The following EYS variants were observed in gnomAD, a reference collection of about 807,000 sequenced individuals.
The protein encoded by EYS is protein eyes shut homolog.
In EYS, 250 loss-of-function variants were observed where a neutral mutation model predicts 282.1. The ratio of observed to expected loss-of-function variants is 0.89; its 90% CI spans 0.80 to 0.98. The LOEUF (loss-of-function observed/expected upper bound fraction) is 0.98, where lower values mean the gene tolerates loss of function less well. Among genes scored for constraint, EYS ranks in the 50% least tolerant of loss-of-function variants. EYS has a pLI of 0.00. For synonymous variants in EYS, 1,355 were observed against 1,282.9 expected (o/e 1.06, Z -1.20); for missense variants, 4,016 against 3,709.0 (o/e 1.08, Z -2.15).
At chr6:65,655,042 T>G (rs1030630708) in intron 1 of EYS, among the ~76,000 whole-genome samples, 2 of 150,476 alleles carry the variant, frequency 1.3e-5, no homozygotes, top group Non-Finnish European at 3.0e-5. Context: ...AATATCTTCA[T>G]GAGAATTACT....
rs556423790 is a variant in EYS, at chr6:65,430,123, G to C, written c.863-24756C>G. On this transcript the variant is annotated intron_variant, in intron 5 of 42. Transcript: ENST00000503581. ...GTAGAGCAAGATGGCAGAATAGAAG[G>C]CTCCATCAATCTTCCCCCCTCTTCA... Among the ~76,000 whole-genome samples, 7 of 152,186 alleles carry C rather than the reference G, an allele frequency of 4.6e-5. No homozygotes were observed. The East Asian group carries it at 1.2e-3, about 25-fold the overall frequency.
Position 64,174,519 on chromosome 6 carries a change from T to C in EYS, c.6424+56073A>G, listed in dbSNP as rs918151575. On this transcript the variant is annotated intron_variant, in intron 31 of 42. Coordinates refer to ENST00000503581, the MANE Select transcript of EYS (RefSeq NM_001142800.2). Reference sequence around the variant, plus strand: ...ATCTAAAGCTCTAAAATTAACAATTTAAAGTTACATAGATAGAAAATCATT... The same window carrying C: ...ATCTAAAGCTCTAAAATTAACAATTCAAAGTTACATAGATAGAAAATCATT... Among the ~76,000 whole-genome samples, 4 of 151,850 alleles carry C rather than the reference T, an allele frequency of 2.6e-5. No homozygotes were observed. The South Asian group carries it at 8.3e-4, about 32-fold the overall frequency.
At chr6:64,311,049 TA>T (rs1445183206) in intron 29 of EYS, among the ~76,000 whole-genome samples, 2 of 151,714 alleles carry the variant, frequency 1.3e-5, no homozygotes, top group African/African-American at 4.8e-5. Context: ...TTTAGTTTTT[TA>T]AATAAAAATA....
chr6:64,825,900 T>G (rs1014791072), intron 19 of EYS, among the ~76,000 whole-genome samples: 11 of 144,492 alleles, frequency 7.6e-5, no homozygotes, highest in African/African-American at 2.4e-4. Context: ...ATTCATAAAG[T>G]GCACATATAT....
chr6:65,571,415 C>A (rs6455048), intron 2 of EYS, among the ~76,000 whole-genome samples: 1 of 151,708 alleles, frequency 6.6e-6, no homozygotes, highest in African/African-American at 2.4e-5. Context: ...GTCATATACT[C>A]TTTCTGGTAC....
At chr6:63,936,473 C>G (rs1378588892) in intron 35 of EYS, among the ~76,000 whole-genome samples, 1 of 152,008 alleles carries the variant, frequency 6.6e-6, no homozygotes, top group African/African-American at 2.4e-5. Flanking sequence ...AGTTTAGTCT[C>G]CCCTAAAGCC....
intron 22 of EYS, among the ~76,000 whole-genome samples, chr6:64,665,922 G>T (rs893328370): frequency 9.7e-5 from 3 of 30,806 alleles, no homozygotes; most frequent in Non-Finnish European, 3.7e-4. Context: ...TCTAGTGAGG[G>T]GGTGGCTGGA....
chr6:64,025,233 G>T (rs1292914829), intron 33 of EYS, among the ~76,000 whole-genome samples: 1 of 152,140 alleles, frequency 6.6e-6, no homozygotes, highest in Non-Finnish European at 1.5e-5. Flanking sequence ...ACTCTTTGGA[G>T]TTGGGACCGT....
chr6:65,121,757 A>T (rs1775558580), intron 12 of EYS, among the ~76,000 whole-genome samples: 1 of 152,166 alleles, frequency 6.6e-6, no homozygotes, highest in African/African-American at 2.4e-5. Context: ...ATAAATTGCC[A>T]TAGTGATTTG....
At chr6:64,882,744 C>T (rs1192811672) in intron 19 of EYS, among the ~76,000 whole-genome samples, 1 of 151,476 alleles carries the variant, frequency 6.6e-6, no homozygotes, top group Admixed American at 6.6e-5. Context: ...AATTAATTAT[C>T]TTTATATTCT....
At chr6:63,842,431 T>A (rs1771985222) in intron 36 of EYS, among the ~76,000 whole-genome samples, 1 of 152,252 alleles carries the variant, frequency 6.6e-6, no homozygotes, top group Non-Finnish European at 1.5e-5. Flanking sequence ...TCTGTTCATA[T>A]CCTTCACCCA....
intron 31 of EYS, among the ~76,000 whole-genome samples, chr6:64,151,711 A>G (rs186594934): frequency 4.6e-5 from 7 of 152,236 alleles, no homozygotes; most frequent in Admixed American, 1.3e-4. Context: ...AAATATTGAT[A>G]TGACTATATA....
intron 31 of EYS, among the ~76,000 whole-genome samples, chr6:64,187,113 A>G (rs1764967985): frequency 6.6e-6 from 1 of 152,012 alleles, no homozygotes; most frequent in African/African-American, 2.4e-5. Flanking sequence ...ATATGGAGAT[A>G]TTTTTTGCCA....
intron 10 of EYS, among the ~76,000 whole-genome samples, chr6:65,335,426 A>G (rs1239534821): frequency 2.0e-5 from 3 of 151,752 alleles, no homozygotes; most frequent in East Asian, 3.9e-4. Context: ...ATTTACAACC[A>G]AGGCCACCAT....
At chr6:65,683,831 T>C (rs1768914379) in intron 1 of EYS, among the ~76,000 whole-genome samples, 1 of 151,996 alleles carries the variant, frequency 6.6e-6, no homozygotes. Context: ...TCCAACAGTA[T>C]CTGAATGTAT....
At chr6:64,662,347 A>C (rs1490157787) in intron 22 of EYS, among the ~76,000 whole-genome samples, 1 of 152,124 alleles carries the variant, frequency 6.6e-6, no homozygotes, top group Non-Finnish European at 1.5e-5. Context: ...ACTAACCTGC[A>C]CGTTGTGCAC....
intron 30 of EYS, among the ~76,000 whole-genome samples, chr6:64,234,973 G>T (rs1766541038): frequency 2.0e-5 from 3 of 151,920 alleles, no homozygotes; most frequent in South Asian, 2.1e-4. Context: ...CGCCTCCCGG[G>T]TTCAAGCGAT....
chr6:64,611,220 C>T lies in EYS; in HGVS notation c.3684+6198G>A, dbSNP rs537530108. ...GCAGATCGAGCCTTATTTCTTATGGCTATTTTATATTTAGCATTCTCATTA... is the reference window on the plus strand; with the variant it reads ...GCAGATCGAGCCTTATTTCTTATGGTTATTTTATATTTAGCATTCTCATTA... On this transcript the variant is annotated intron_variant, in intron 24 of 42. Coordinates refer to ENST00000503581, the MANE Select transcript of EYS (RefSeq NM_001142800.2). Among the ~76,000 whole-genome samples, 11 of 152,150 alleles carry T rather than the reference C, an allele frequency of 7.2e-5. 2 individuals are homozygous for T. Among genetic ancestry groups the T allele is most frequent in the African/African-American group, 2.6e-4 (11 of 41,518 alleles).
rs578167289 is a variant in EYS at position 64,081,989 on chromosome 6, G to A, written c.6438C>T (p.Phe2146=). 4.5e-6 allele frequency: 7 copies of A among 1,540,522 alleles called. No individual in the cohort carries two copies. In the Admixed American group the frequency reaches 9.9e-5, roughly 22 times the overall value. Reference sequence around the variant, plus strand: ...AGGAATTCCCATTGAAAGATGGAAAGAATAAACCTGCATCTAAAAAAGAAA... The same window carrying A: ...AGGAATTCCCATTGAAAGATGGAAAAAATAAACCTGCATCTAAAAAAGAAA... ...GRFCEKDAGL[F]FPSFNGNSYL... The change falls in exon 32 of 43, where the codon TTC becomes TTT. Residue 2146 remains phenylalanine (F), a synonymous_variant. Transcript: ENST00000503581.
Sources: allele counts gnomAD v4.1 joint callset (sites outside exome capture counted in the v4.1 genomes callset), GRCh38; gene constraint gnomAD v4.1.1; transcripts MANE v1.5; gene names NCBI Gene and HGNC (gene_info 2026-07-23, HGNC 2026-07-21).